SLC38A1: variants seen among roughly 807,000 people sequenced by gnomAD.
SLC38A1 encodes solute carrier family 38 member 1.
In SLC38A1, 18 loss-of-function variants were observed where a neutral mutation model predicts 60.3. The observed-to-expected ratio is 0.30, with a 90% CI of 0.21 to 0.44. The LOEUF (loss-of-function observed/expected upper bound fraction) is 0.44. Ranked by LOEUF, SLC38A1 falls within the 20% of genes least tolerant of loss-of-function variation. The probability of loss-of-function intolerance (pLI) is 1.00; values close to 1 mark genes in which losing one functional copy is unlikely to be tolerated. For missense variants in SLC38A1, 448 were observed against 587.2 expected, an observed-to-expected ratio of 0.76 and a Z score of 2.45; for synonymous variants, 196 against 212.1, an observed-to-expected ratio of 0.92 and a Z score of 0.66.
intron 1 of SLC38A1, among the ~76,000 whole-genome samples, chr12:46,244,661 C>T (rs1208838315): frequency 1.3e-5 from 2 of 152,194 alleles, no homozygotes; most frequent in Admixed American, 1.3e-4. Context: ...TTCCTGATTT[C>T]CAGACTTCCT....
chr12:46,229,551 T>C lies in SLC38A1; in HGVS notation c.198+13A>G, dbSNP rs747587806. On this transcript the variant is annotated intron_variant, in intron 4 of 16. Coordinates refer to ENST00000398637, the MANE Select transcript of SLC38A1 (RefSeq NM_030674.4). Reference sequence around the variant, plus strand: ...TTAAAAAAATAAGCATACTTCATTATAATGATACTTACATACTCATCACAC... The same window carrying C: ...TTAAAAAAATAAGCATACTTCATTACAATGATACTTACATACTCATCACAC... 2 of 1,582,622 alleles carry C rather than the reference T, an allele frequency of 1.3e-6. No individual in the cohort carries two copies. Among genetic ancestry groups the C allele is most frequent in the African/African-American group, 1.3e-5 (1 of 74,224 alleles).
chr12:46,212,509 G>T (rs866175637), intron 5 of SLC38A1, among the ~76,000 whole-genome samples: 1 of 152,224 alleles, frequency 6.6e-6, no homozygotes, highest in Non-Finnish European at 1.5e-5. Context: ...TTGAGGAGAA[G>T]ATCTAGAGCA....
At chr12:46,237,651 C>A (rs558364355) in intron 3 of SLC38A1, among the ~76,000 whole-genome samples, 11 of 151,936 alleles carry the variant, frequency 7.2e-5, no homozygotes, top group South Asian at 2.1e-4. Context: ...GATGTTTCTC[C>A]CATCTACTGC....
chr12:46,234,742 AT>A (rs1565781370), intron 3 of SLC38A1, among the ~76,000 whole-genome samples: 4 of 152,206 alleles, frequency 2.6e-5, no homozygotes. Context: ...CATTTAAAAA[AT>A]ACATAAAACT....
intron 13 of SLC38A1, among the ~76,000 whole-genome samples, chr12:46,199,006 A>G (rs1283299333): frequency 6.6e-6 from 1 of 152,136 alleles, no homozygotes; most frequent in Non-Finnish European, 1.5e-5. Flanking sequence ...ACTAAATTAA[A>G]CCTAGGAGTA....
chr12:46,240,818 G>T (rs1369866578), intron 2 of SLC38A1, among the ~76,000 whole-genome samples: 1 of 152,152 alleles, frequency 6.6e-6, no homozygotes, highest in African/African-American at 2.4e-5. Context: ...TAATCCAACT[G>T]CTACTATATT....
chr12:46,227,755 T>G (rs1192353665), intron 5 of SLC38A1, among the ~76,000 whole-genome samples: 4 of 152,160 alleles, frequency 2.6e-5, no homozygotes, highest in African/African-American at 9.7e-5. Context: ...GTTGGCCTGG[T>G]TCTGAAATTT....
At chr12:46,237,742 A>T (rs1056245255) in intron 3 of SLC38A1, among the ~76,000 whole-genome samples, 2 of 151,844 alleles carry the variant, frequency 1.3e-5, no homozygotes, top group Non-Finnish European at 2.9e-5. Context: ...ACTGACTATT[A>T]TAAATGACTC....
In SLC38A1 at chr12:46,188,425, G is replaced by A. The variant is rs1343486686; in HGVS notation, c.*545C>T. ...ATATTGGGCATGCTCTGATTCAGCAGTGGCAGTGCCCTATAACTTTCAGAT... is the reference window on the plus strand; with the variant it reads ...ATATTGGGCATGCTCTGATTCAGCAATGGCAGTGCCCTATAACTTTCAGAT... On this transcript the variant is annotated 3_prime_UTR_variant, in exon 17 of 17. Transcript: ENST00000398637. The A allele has an allele frequency of 1.3e-5, 2 of 152,820 alleles. No homozygotes were observed. Among genetic ancestry groups the A allele is most frequent in the Admixed American group, 1.3e-4 (2 of 15,300 alleles). The allele number at this position is 152,820 out of a possible 1,614,324, so 9.5% of individuals were successfully genotyped here.
At chr12:46,232,562 G>C (rs1347688556) in intron 3 of SLC38A1, among the ~76,000 whole-genome samples, 1 of 152,210 alleles carries the variant, frequency 6.6e-6, no homozygotes, top group Admixed American at 6.5e-5. Context: ...GAATGGCAGG[G>C]GAAAGCAGCC....
chr12:46,232,901 T>C (rs1425984432), intron 3 of SLC38A1, among the ~76,000 whole-genome samples: 1 of 152,238 alleles, frequency 6.6e-6, no homozygotes, highest in Non-Finnish European at 1.5e-5. Flanking sequence ...ATTTTTTAAA[T>C]TGTTGTATTG....
chr12:46,198,572 A>T, intron 14 of SLC38A1, 53 bp downstream of exon 14: 2 of 1,266,344 alleles, frequency 1.6e-6, no homozygotes, highest in Non-Finnish European at 2.2e-6. Flanking sequence ...CTGCAGGCAG[A>T]AGGAAAGCCG....
At chr12:46,222,012 A>G (rs1016299658) in intron 5 of SLC38A1, among the ~76,000 whole-genome samples, 2 of 152,126 alleles carry the variant, frequency 1.3e-5, no homozygotes, top group Non-Finnish European at 2.9e-5. Context: ...CTCTACAGAA[A>G]AGGGAAGGTT....
rs866256031 is a variant in SLC38A1, at chr12:46,229,261, C to T, written c.206G>A (p.Gly69Asp). The T allele has an allele frequency of 6.2e-7, 1 of 1,606,578 alleles. No individual in the cohort carries two copies. The highest frequency in any genetic ancestry group is 8.5e-7 in the Non-Finnish European group (1 of 1,173,900). ...AACAGACATGCCTAAGGAGGTTGTA[C>T]CTGGAATCTGAACAAAGAAACAAAC... Reference protein sequence around the residue: ...EKKKCDEYIPGTTSLGMSVFN... With the variant: ...EKKKCDEYIPDTTSLGMSVFN... Residue 69 changes from glycine (G) to aspartate (D), a missense_variant, in exon 5 of 17, where the codon GGT becomes GAT. Gly to Asp is a moderately conservative substitution (Grantham distance 94). Around this residue, in one of 2 missense-constraint regions of SLC38A1, gnomAD observed 102 missense variants for 89.7 expected, o/e 1.14. Transcript: ENST00000398637.
Position 46,204,434 on chromosome 12 carries a change from T to C in SLC38A1, c.706-17A>G, listed in dbSNP as rs763219224. On this transcript the variant is annotated splice_polypyrimidine_tract_variant and intron_variant, in intron 10 of 16. Transcript: ENST00000398637. ...GTAAATAACCTGGTATTAAGAAGTA[T>C]AGTAGAAGCAATATGGACTTTAGTA... 16 of 1,596,150 alleles carry C rather than the reference T, an allele frequency of 1.0e-5. No homozygotes were observed. The highest frequency in any genetic ancestry group is 6.7e-5 in the African/African-American group (5 of 74,468).
intron 12 of SLC38A1, 98 bp from the exon 13 acceptor site, chr12:46,201,296 G>C: frequency 2.0e-6 from 2 of 995,316 alleles, no homozygotes; most frequent in Non-Finnish European, 3.0e-6. Flanking sequence ...GCTTCTGTCA[G>C]GTTAGGGAAG....
chr12:46,208,215 A>G (rs1939995703), intron 6 of SLC38A1, among the ~76,000 whole-genome samples: 1 of 152,230 alleles, frequency 6.6e-6, no homozygotes, highest in Non-Finnish European at 1.5e-5. Flanking sequence ...ATCTGTCAAA[A>G]GCATAATTTG....
At chr12:46,207,706 G>A in intron 6 of SLC38A1, 85 bp from the exon 7 acceptor site, 2 of 1,277,682 alleles carry the variant, frequency 1.6e-6, no homozygotes, top group South Asian at 1.2e-5. Flanking sequence ...TCTATTGACT[G>A]TTCCCCAAGT....
chr12:46,240,299 C>T (rs1486815969), intron 2 of SLC38A1, among the ~76,000 whole-genome samples: 3 of 152,248 alleles, frequency 2.0e-5, no homozygotes, highest in African/African-American at 4.8e-5. Context: ...CTGGTTCAAG[C>T]GATTCTCCTG....
Sources: gnomAD v4.1 joint callset for allele counts (sites outside exome capture counted in the v4.1 genomes callset) on GRCh38, gnomAD v4.1.1 for gene constraint, gnomAD v4.1.1 regional missense constraint, MANE v1.5 for transcripts, NCBI Gene and HGNC (gene_info 2026-07-23, HGNC 2026-07-21) for gene names.